CLTC: variants seen among roughly 807,000 people sequenced by gnomAD.
CLTC encodes clathrin heavy chain, also known as clathrin heavy chain 1.
CLTC carries 16 observed loss-of-function variants against 195.8 expected under a neutral mutation model. The ratio of observed to expected loss-of-function variants is 0.08; its 90% CI spans 0.06 to 0.12. CLTC has a LOEUF of 0.12. CLTC is among the 10% of genes least tolerant of loss of function. The pLI, the probability that CLTC is intolerant of heterozygous loss-of-function variation, is 1.00. For synonymous variants in CLTC, 667 were observed against 689.4 expected (o/e 0.97, Z 0.51); for missense variants, 796 against 2,027.0 (o/e 0.39, Z 11.66).
intron 2 of CLTC, among the ~76,000 whole-genome samples, chr17:59,645,768 T>G (rs1339136999): frequency 6.6e-6 from 1 of 152,168 alleles, no homozygotes; most frequent in East Asian, 1.9e-4. Context: ...ACTCATCTCA[T>G]CTCGAGGAAA....
rs1265084624 is a variant in CLTC at position 59,648,020 on chromosome 17, T to C, written c.520-220T>C. 6.6e-6 allele frequency among the ~76,000 whole-genome samples: 1 copy of C among 152,226 alleles called. No individual in the cohort carries two copies. The highest frequency in any genetic ancestry group is 1.5e-5 in the Non-Finnish European group (1 of 68,042). On this transcript the variant is annotated intron_variant, in intron 3 of 31. Transcript: ENST00000269122. The surrounding 1 kb of genome is among the most constrained non-coding windows in gnomAD (Gnocchi z 4.5). ...TCTATACCTTTTTGTTTAAGACGTATATGAGGCATATTTTAAACATTTATG... is the reference window on the plus strand; with the variant it reads ...TCTATACCTTTTTGTTTAAGACGTACATGAGGCATATTTTAAACATTTATG...
intron 5 of CLTC, among the ~76,000 whole-genome samples, chr17:59,653,280 G>C (rs545461151): frequency 1.3e-5 from 2 of 151,192 alleles, no homozygotes; most frequent in African/African-American, 4.9e-5. Flanking sequence ...TGCAAGCTCC[G>C]CCTCCTGGGT....
chr17:59,623,233 G>A (rs939837084), intron 1 of CLTC, among the ~76,000 whole-genome samples: 1 of 152,168 alleles, frequency 6.6e-6, no homozygotes, highest in Non-Finnish European at 1.5e-5. Context: ...TCAAATGTTA[G>A]GGGTTCTTGC....
At position 59,681,621 on chromosome 17, in the gene CLTC, C is replaced by A; in HGVS notation, c.3250-26C>A. 1 of 1,594,944 alleles carries A rather than the reference C, an allele frequency of 6.3e-7. No homozygotes were observed. ...TTGGGTAGGATTGATTTTACTCTAA[C>A]CCTAATTTCAAACTTGGATACTTAG... On this transcript the variant is annotated intron_variant, in intron 20 of 31. Transcript: ENST00000269122. This position sits in a 1 kb window ranked among gnomAD's most constrained non-coding sequence, Gnocchi z 5.0.
intron 16 of CLTC, 87 bp from the exon 17 acceptor site, chr17:59,676,867 C>G: frequency 1.0e-6 from 1 of 990,216 alleles, no homozygotes; most frequent in Non-Finnish European, 1.5e-6. Context: ...CATTATAGAC[C>G]ATAAGGTATT....
At chr17:59,656,193 AAT>A in intron 6 of CLTC, 166 bp downstream of exon 6, 1 of 576,028 alleles carries the variant, frequency 1.7e-6, no homozygotes, top group Non-Finnish European at 2.9e-6. Context: ...ATTAGAAAAT[AAT>A]ATATATCAAA....
Position 59,685,561 on chromosome 17 carries a change from T to A in CLTC, c.4606-26T>A, listed in dbSNP as rs746251340. ...GTTCAGTATGTGGGGTCTAATGTTTTTGACTTTCACTATTTCTTTGAATAG... is the reference window on the plus strand; with the variant it reads ...GTTCAGTATGTGGGGTCTAATGTTTATGACTTTCACTATTTCTTTGAATAG... On this transcript the variant is annotated intron_variant, in intron 29 of 31. Coordinates refer to ENST00000269122, the MANE Select transcript of CLTC (RefSeq NM_004859.4). The surrounding 1 kb of genome is among the most constrained non-coding windows in gnomAD (Gnocchi z 5.0). 1.3e-4 allele frequency: 208 copies of A among 1,581,854 alleles called. No individual in the cohort carries two copies. Among genetic ancestry groups the A allele is most frequent in the Non-Finnish European group, 9.6e-6 (11 of 1,151,760 alleles).
At chr17:59,643,132 G>GGTGTGT (rs59380117) in intron 1 of CLTC, among the ~76,000 whole-genome samples, 15,493 of 142,128 alleles carry the variant, frequency 0.11, 1,076 homozygotes, top group East Asian at 0.3. Flanking sequence ...TCTTTTCTGG[G>GGTGTGT]GTGTGTGTGT....
intron 6 of CLTC, chr17:59,658,717 C>T (rs962445709): frequency 2.0e-5 from 3 of 152,190 alleles, no homozygotes; most frequent in African/African-American, 7.2e-5. Flanking sequence ...GCAGATCTTA[C>T]TAAGGACTGG....
chr17:59,686,860 A>C, intron 30 of CLTC: 1 of 295,954 alleles, frequency 3.4e-6, no homozygotes. Flanking sequence ...TGCTTCCAGT[A>C]TGCCCTTTAT....
intron 1 of CLTC, among the ~76,000 whole-genome samples, chr17:59,639,287 C>T (rs1433370688): frequency 2.6e-5 from 4 of 152,184 alleles, no homozygotes; most frequent in Middle Eastern, 3.4e-3. Flanking sequence ...ACTGGAAAGA[C>T]GGGGTGGGTG....
chr17:59,675,490 A>C (rs759476990), intron 16 of CLTC, among the ~76,000 whole-genome samples: 2 of 152,182 alleles, frequency 1.3e-5, no homozygotes, highest in Non-Finnish European at 2.9e-5. Flanking sequence ...AGAAGAAATT[A>C]AGAAAGTCTG....
chr17:59,663,765 A>G (rs981640378), intron 8 of CLTC, 77 bp from the exon 9 acceptor site: 1 of 1,201,568 alleles, frequency 8.3e-7, no homozygotes. Context: ...GTTATTACTT[A>G]TAGTGGACAT....
intron 1 of CLTC, among the ~76,000 whole-genome samples, chr17:59,636,851 C>T (rs1351668282): frequency 6.6e-6 from 1 of 152,028 alleles, no homozygotes; most frequent in Non-Finnish European, 1.5e-5. Context: ...CAGCCTCTGC[C>T]TCCCGGGTTC....
At chr17:59,624,670 T>C (rs999548806) in intron 1 of CLTC, among the ~76,000 whole-genome samples, 10 of 152,046 alleles carry the variant, frequency 6.6e-5, no homozygotes, top group Admixed American at 6.6e-5. Context: ...GGTTTTACCA[T>C]GTTGGCCAGG....
intron 30 of CLTC, chr17:59,686,996 T>C: frequency 1.0e-6 from 1 of 988,872 alleles, no homozygotes. Context: ...TGAATTCCTT[T>C]GCAGGTTGAT....
rs79345215 is a variant in CLTC, at chr17:59,695,853, G to T, written c.*2001G>T. The T allele has an allele frequency of 5.6e-6, 1 of 178,702 alleles. No homozygotes were observed. 11.1% of individuals were successfully genotyped at this position (178,702 alleles called of 1,614,324 possible). ...CACAGAGAAAAAAAAAATAATAATAGTATTATGAAAACATTGACTCTGTGG... is the reference window on the plus strand; with the variant it reads ...CACAGAGAAAAAAAAAATAATAATATTATTATGAAAACATTGACTCTGTGG... On this transcript the variant is annotated 3_prime_UTR_variant, in exon 32 of 32. Transcript: ENST00000269122.
intron 14 of CLTC, among the ~76,000 whole-genome samples, chr17:59,670,371 A>G (rs2032822099): frequency 6.6e-6 from 1 of 151,750 alleles, no homozygotes; most frequent in Non-Finnish European, 1.5e-5. Context: ...GGTTTGTTGT[A>G]CAGATTGTTT....
chr17:59,651,994 C>A (rs550353023), intron 5 of CLTC, among the ~76,000 whole-genome samples: 2 of 152,184 alleles, frequency 1.3e-5, no homozygotes, highest in Non-Finnish European at 2.9e-5. Flanking sequence ...TAATCTAAAT[C>A]CTTTGTTGTC....
Sources: gnomAD v4.1 joint callset for allele counts (sites outside exome capture counted in the v4.1 genomes callset) on GRCh38, gnomAD v4.1.1 for gene constraint, Gnocchi (gnomAD v3.1) non-coding constraint, MANE v1.5 for transcripts, NCBI Gene and HGNC (gene_info 2026-07-23, HGNC 2026-07-21) for gene names.